The following MCM10 variants were observed in gnomAD, a reference collection of about 807,000 sequenced individuals.
MCM10 encodes the protein minichromosome maintenance 10 replication initiation factor, also known as protein MCM10 homolog.
In MCM10, 91 loss-of-function variants were observed where a neutral mutation model predicts 109.9. The ratio of observed to expected loss-of-function variants is 0.83; its 90% CI spans 0.70 to 0.99. The LOEUF (loss-of-function observed/expected upper bound fraction) is 0.99, where lower values mean the gene tolerates loss of function less well. Among genes scored for constraint, MCM10 ranks in the 50% least tolerant of loss-of-function variants. The probability of loss-of-function intolerance (pLI) is 0.00; values close to 1 mark genes in which losing one functional copy is unlikely to be tolerated. For missense variants in MCM10, 1,077 were observed against 1,061.2 expected, an observed-to-expected ratio of 1.01 and a Z score of -0.21; for synonymous variants, 380 against 387.2, an observed-to-expected ratio of 0.98 and a Z score of 0.22.
chr10:13,208,145 A>G (rs964435947), intron 18 of MCM10, among the ~76,000 whole-genome samples: 2 of 152,174 alleles, frequency 1.3e-5, no homozygotes, highest in African/African-American at 4.8e-5. Flanking sequence ...GCAGTTTGGG[A>G]GGCTGAGGCA....
chr10:13,203,281 A>G (rs1177970113), intron 17 of MCM10, among the ~76,000 whole-genome samples: 1 of 152,156 alleles, frequency 6.6e-6, no homozygotes, highest in African/African-American at 2.4e-5. Flanking sequence ...TCTGAGTCAC[A>G]GTATTCTTGC....
chr10:13,189,119 G>T lies in MCM10; in HGVS notation c.1415+39G>T, dbSNP rs755640424. The T allele has an allele frequency of 1.7e-5, 28 of 1,607,832 alleles. No homozygotes were observed. The Admixed American group carries it at 2.7e-4, about 15-fold the overall frequency. ...GGGCTTCTTTTGGGCAGAGGATTTT[G>T]CTTATCAAAGACTAAACCTACTGGT... On this transcript the variant is annotated intron_variant, in intron 10 of 19. Coordinates refer to ENST00000378714, the MANE Select transcript of MCM10 (RefSeq NM_018518.5).
chr10:13,175,475 T>A, intron 5 of MCM10, 35 bp from the exon 6 acceptor site: 2 of 1,574,472 alleles, frequency 1.3e-6, no homozygotes, highest in Non-Finnish European at 1.7e-6. Context: ...ATTATCAGTG[T>A]GGTTGCCTTT....
chr10:13,187,521 G>C (rs1294488940), intron 9 of MCM10, among the ~76,000 whole-genome samples: 1 of 152,174 alleles, frequency 6.6e-6, no homozygotes, highest in Non-Finnish European at 1.5e-5. Context: ...GGTCAACATG[G>C]TAACTGTCCA....
chr10:13,204,421 A>G (rs1466900516), intron 18 of MCM10, 57 bp downstream of exon 18: 13 of 1,596,002 alleles, frequency 8.1e-6, no homozygotes, highest in East Asian at 2.2e-5. Flanking sequence ...CTCTTTTTCC[A>G]GAGTCTGTGA....
intron 18 of MCM10, among the ~76,000 whole-genome samples, chr10:13,204,990 GTATGTATGTATGTA>G (rs1202697262): frequency 1.8e-4 from 21 of 118,606 alleles, no homozygotes; most frequent in Non-Finnish European, 2.4e-4. Flanking sequence ...TCTCATGTAT[GTATGTATGTATGTA>G]TATATATATA....
chr10:13,180,187 G>T (rs1441432623), intron 6 of MCM10, among the ~76,000 whole-genome samples: 1 of 151,944 alleles, frequency 6.6e-6, no homozygotes, highest in African/African-American at 2.4e-5. Context: ...GGAGGCGGAG[G>T]CCGCAGTGAG....
At chr10:13,186,356 G>C (rs1331216412) in intron 9 of MCM10, 76 bp downstream of exon 9, 1 of 953,042 alleles carries the variant, frequency 1.0e-6, no homozygotes, top group Non-Finnish European at 1.6e-6. Flanking sequence ...TGCTTTAGCT[G>C]TGATGACCAG....
At chr10:13,198,627 T>C (rs902349633) in intron 15 of MCM10, 62 bp from the exon 16 acceptor site, 3 of 1,055,792 alleles carry the variant, frequency 2.8e-6, no homozygotes, top group Admixed American at 3.4e-5. Context: ...GTAGAGTTGA[T>C]GAGGCGCACT....
At chr10:13,204,863 C>T (rs1212677099) in intron 18 of MCM10, among the ~76,000 whole-genome samples, 1 of 151,974 alleles carries the variant, frequency 6.6e-6, no homozygotes, top group African/African-American at 2.4e-5. Context: ...TTGCATATAA[C>T]ATGCACACAT....
At chr10:13,186,425 T>G (rs1250049291) in intron 9 of MCM10, 145 bp downstream of exon 9, 3 of 553,968 alleles carry the variant, frequency 5.4e-6, no homozygotes, top group Middle Eastern at 3.0e-4. Flanking sequence ...TAATGTGTGG[T>G]TAATAACTGC....
At position 13,194,913 on chromosome 10, in the gene MCM10, G is replaced by C. The variant is rs1834394856; in HGVS notation, c.1746-128G>C. The C allele has an allele frequency of 5.8e-6, 4 of 688,384 alleles. No homozygotes were observed. In the East Asian group the frequency reaches 1.1e-4, roughly 19 times the overall value. The allele number at this position is 688,384 out of a possible 1,614,324, so 42.6% of individuals were successfully genotyped here. A position where few individuals can be genotyped will look rare whatever the true frequency, so the allele number is the denominator to read the frequency against. On this transcript the variant is annotated intron_variant, in intron 13 of 19. Coordinates refer to ENST00000378714, the MANE Select transcript of MCM10 (RefSeq NM_018518.5). The stretch of plus-strand genomic sequence containing the variant: ...AAATTTGAATTACCAGCCTAGAAGG[G>C]GACATTATTTTGCTAACAACTAGCT...
intron 15 of MCM10, 121 bp downstream of exon 15, chr10:13,197,888 C>T: frequency 1.0e-6 from 1 of 963,052 alleles, no homozygotes; most frequent in Non-Finnish European, 1.5e-6. Context: ...ATATAGAATA[C>T]CTAAATAGAA....
chr10:13,203,260 C>T (rs1178640769), intron 17 of MCM10, among the ~76,000 whole-genome samples: 1 of 152,144 alleles, frequency 6.6e-6, no homozygotes, highest in African/African-American at 2.4e-5. Flanking sequence ...GAATCATCTC[C>T]TGGCCCAGCT....
intron 6 of MCM10, 118 bp from the exon 7 acceptor site, chr10:13,180,324 T>C (rs895869101): frequency 1.1e-5 from 8 of 704,782 alleles, no homozygotes; most frequent in East Asian, 5.7e-5. Flanking sequence ...ATAACTAAGC[T>C]TCCCAAGAAC....
At chr10:13,165,935 G>A (rs1342646083) in intron 2 of MCM10, among the ~76,000 whole-genome samples, 1 of 151,248 alleles carries the variant, frequency 6.6e-6, no homozygotes, top group Non-Finnish European at 1.5e-5. Context: ...AATCTCATTT[G>A]ATTGGCATGG....
At chr10:13,184,892 T>G (rs7897812) in intron 8 of MCM10, among the ~76,000 whole-genome samples, 48,291 of 151,970 alleles carry the variant, frequency 0.32, 7,867 homozygotes, top group East Asian at 0.45. Context: ...TTACCAGTCC[T>G]GTGGGAGGGC....
intron 11 of MCM10, 84 bp from the exon 12 acceptor site, chr10:13,192,171 G>C (rs1478898129): frequency 2.4e-6 from 2 of 820,278 alleles, no homozygotes; most frequent in Non-Finnish European, 4.0e-6. Context: ...AAAATTACAA[G>C]TGCAGAGTTT....
intron 2 of MCM10, 23 bp from the exon 3 acceptor site, chr10:13,170,899 T>C (rs755460586): frequency 6.3e-7 from 1 of 1,598,904 alleles, no homozygotes; most frequent in Non-Finnish European, 8.6e-7. Context: ...TTATTCTCTG[T>C]CCTTTCTCTT....
Sources: allele counts gnomAD v4.1 joint callset (sites outside exome capture counted in the v4.1 genomes callset), GRCh38; gene constraint gnomAD v4.1.1; transcripts MANE v1.5; gene names NCBI Gene and HGNC (gene_info 2026-07-23, HGNC 2026-07-21).